The following NRCAM variants were observed in gnomAD, a reference collection of about 807,000 sequenced individuals.
The protein encoded by NRCAM is neuronal cell adhesion molecule, also known as NgCAM-related cell adhesion molecule.
A neutral mutation model predicts 156.5 loss-of-function variants in NRCAM; 83 were observed. That is an observed-to-expected ratio of 0.53 (90% CI 0.44 to 0.64). The LOEUF is 0.64. Ranked by LOEUF, NRCAM falls within the 30% of genes least tolerant of loss-of-function variation. NRCAM has a pLI of 0.00. For missense variants in NRCAM, 1,417 were observed against 1,597.3 expected (o/e 0.89, Z 1.92); for synonymous variants, 538 against 563.9 (o/e 0.95, Z 0.65).
At chr7:108,280,918 A>G (rs898225492) in intron 3 of NRCAM, among the ~76,000 whole-genome samples, 4 of 152,226 alleles carry the variant, frequency 2.6e-5, no homozygotes, top group African/African-American at 7.2e-5. Context: ...AAAGCTCTTA[A>G]AAGTCAGGAA....
intron 2 of NRCAM, among the ~76,000 whole-genome samples, chr7:108,380,934 G>A (rs1161268266): frequency 6.6e-6 from 1 of 152,128 alleles, no homozygotes; most frequent in Non-Finnish European, 1.5e-5. Flanking sequence ...GTCAGCCATG[G>A]TGGCTCATGC....
In NRCAM at chr7:108,232,458, G is replaced by A. The variant is rs201075336; in HGVS notation, c.295C>T (p.Pro99Ser). ...TTAATTATGAGCGTTCCTGTGCCAG[G>A]CTTCATGGTGACCAGAGGGTCTTTA... ...IDKDPLVTMKPGTGTLIINIM... is the reference protein window; with the variant it reads ...IDKDPLVTMKSGTGTLIINIM... Residue 99 changes from proline to serine, a missense_variant, in exon 7 of 33, where the codon CCT (proline) becomes TCT (serine). Pro to Ser is a moderately conservative substitution (Grantham distance 74, BLOSUM62 -1). Around this residue, in one of 2 missense-constraint regions of NRCAM, gnomAD observed 1,238 missense variants for 1,336.4 expected, o/e 0.93. Coordinates refer to ENST00000379028, the MANE Select transcript of NRCAM (RefSeq NM_001037132.4). The A allele has an allele frequency of 1.2e-6, 2 of 1,613,594 alleles. No individual in the cohort carries two copies. Among genetic ancestry groups the A allele is most frequent in the Non-Finnish European group, 8.5e-7 (1 of 1,179,684 alleles).
intron 3 of NRCAM, among the ~76,000 whole-genome samples, chr7:108,261,018 A>C (rs2096868500): frequency 6.6e-6 from 1 of 152,120 alleles, no homozygotes; most frequent in South Asian, 2.1e-4. Context: ...TAGGTTCCTA[A>C]AGGGGGACAC....
chr7:108,398,954 T>C (rs942561214), intron 2 of NRCAM, among the ~76,000 whole-genome samples: 1 of 152,210 alleles, frequency 6.6e-6, no homozygotes, highest in African/African-American at 2.4e-5. Flanking sequence ...TTTCTGAGGA[T>C]TATAAATGTT....
chr7:108,319,672 C>T (rs1194812742), intron 2 of NRCAM, among the ~76,000 whole-genome samples: 1 of 152,144 alleles, frequency 6.6e-6, no homozygotes, highest in Non-Finnish European at 1.5e-5. Context: ...GTGATGGGAA[C>T]CGGCTTTGTC....
intron 3 of NRCAM, among the ~76,000 whole-genome samples, chr7:108,271,477 C>G (rs528272339): frequency 6.6e-6 from 1 of 152,202 alleles, no homozygotes; most frequent in Non-Finnish European, 1.5e-5. Context: ...GCGGGCAGAT[C>G]ACTTGAGATC....
At chr7:108,261,981 G>C (rs2096904629) in intron 3 of NRCAM, among the ~76,000 whole-genome samples, 1 of 152,058 alleles carries the variant, frequency 6.6e-6, no homozygotes, top group African/African-American at 2.4e-5. Flanking sequence ...AGTCCACTGG[G>C]ATCAACCAGC....
At chr7:108,244,471 A>G (rs891545926) in intron 3 of NRCAM, among the ~76,000 whole-genome samples, 16 of 152,156 alleles carry the variant, frequency 1.1e-4, no homozygotes, top group Admixed American at 5.2e-4. Flanking sequence ...GAAGTACACA[A>G]ATGCACATCT....
At chr7:108,282,497 T>C (rs1305108168) in intron 3 of NRCAM, among the ~76,000 whole-genome samples, 4 of 152,246 alleles carry the variant, frequency 2.6e-5, no homozygotes, top group Non-Finnish European at 5.9e-5. Context: ...ATTTTTCTAT[T>C]TGGTACTTGG....
chr7:108,296,109 C>T (rs1013788411), intron 3 of NRCAM, among the ~76,000 whole-genome samples: 15 of 152,228 alleles, frequency 9.9e-5, no homozygotes, highest in African/African-American at 3.4e-4. Flanking sequence ...TACTTTCACA[C>T]ACTCCACAGT....
At chr7:108,359,489 A>G (rs1033504518) in intron 2 of NRCAM, among the ~76,000 whole-genome samples, 1 of 152,196 alleles carries the variant, frequency 6.6e-6, no homozygotes, top group African/African-American at 2.4e-5. Flanking sequence ...GACATTCCTA[A>G]CTAAAGAAAA....
At chr7:108,262,628 G>C (rs956341861) in intron 3 of NRCAM, among the ~76,000 whole-genome samples, 7 of 152,198 alleles carry the variant, frequency 4.6e-5, no homozygotes, top group African/African-American at 1.4e-4. Context: ...ACTCCTTGAA[G>C]ATCTATAGGA....
At chr7:108,381,687 G>A (rs946465824) in intron 2 of NRCAM, among the ~76,000 whole-genome samples, 7 of 151,546 alleles carry the variant, frequency 4.6e-5, no homozygotes, top group African/African-American at 1.7e-4. Flanking sequence ...AGGCTCCCAA[G>A]TAGCTGAGAT....
chr7:108,394,619 G>A (rs2099771921), intron 2 of NRCAM, among the ~76,000 whole-genome samples: 1 of 152,176 alleles, frequency 6.6e-6, no homozygotes, highest in Non-Finnish European at 1.5e-5. Flanking sequence ...ATAGCAAGGA[G>A]GGGAAACAGA....
At chr7:108,186,097 T>C (rs2066624538) in intron 20 of NRCAM, among the ~76,000 whole-genome samples, 1 of 152,234 alleles carries the variant, frequency 6.6e-6, no homozygotes, top group South Asian at 2.1e-4. Flanking sequence ...TATTCACTGA[T>C]TGCCTACTAT....
intron 11 of NRCAM, among the ~76,000 whole-genome samples, chr7:108,210,062 A>G (rs1206670523): frequency 6.6e-6 from 1 of 152,232 alleles, no homozygotes; most frequent in Non-Finnish European, 1.5e-5. Flanking sequence ...CTTTGTATAC[A>G]TTTCCATATC....
At chr7:108,330,719 A>G (rs2099118155) in intron 2 of NRCAM, among the ~76,000 whole-genome samples, 2 of 152,180 alleles carry the variant, frequency 1.3e-5, no homozygotes, top group African/African-American at 4.8e-5. Context: ...TCTTGACCTG[A>G]CAGCAATCAC....
chr7:108,155,097 T>C (rs62469170), intron 32 of NRCAM, among the ~76,000 whole-genome samples: 74 of 89,690 alleles, frequency 8.3e-4, no homozygotes, highest in African/African-American at 4.4e-3. Context: ...CATATATATA[T>C]ATATACACAC....
chr7:108,409,421 G>A (rs2158846), intron 1 of NRCAM, among the ~76,000 whole-genome samples: 78,719 of 152,038 alleles, frequency 0.52, 22,502 homozygotes, highest in South Asian at 0.78. Flanking sequence ...TAAAGCTTCT[G>A]ACACTTCCTT....
Sources: allele counts gnomAD v4.1 joint callset (sites outside exome capture counted in the v4.1 genomes callset), GRCh38; gene constraint gnomAD v4.1.1; regional missense constraint gnomAD v4.1.1; transcripts MANE v1.5; gene names NCBI Gene and HGNC (gene_info 2026-07-23, HGNC 2026-07-21).